Variants in CSPP1 observed in about 807,000 individuals in gnomAD.
CSPP1 encodes centrosome and spindle pole-associated protein 1.
A neutral mutation model predicts 164.4 loss-of-function variants in CSPP1; 126 were observed. That is an observed-to-expected ratio of 0.77 (90% CI 0.66 to 0.89). The LOEUF is 0.89. CSPP1 is among the 40% of genes least tolerant of loss of function. The probability of loss-of-function intolerance (pLI) is 0.00; values close to 1 mark genes in which losing one functional copy is unlikely to be tolerated. For missense variants in CSPP1, 1,395 were observed against 1,449.8 expected, an observed-to-expected ratio of 0.96 and a Z score of 0.61; for synonymous variants, 472 against 476.7, an observed-to-expected ratio of 0.99 and a Z score of 0.13.
At chr8:67,085,585 T>G (rs1810225505) in intron 3 of CSPP1, among the ~76,000 whole-genome samples, 1 of 152,132 alleles carries the variant, frequency 6.6e-6, no homozygotes. Flanking sequence ...TAATTAGTTT[T>G]TCTTTAATTT....
At chr8:67,158,164 A>G (rs1231598966) in intron 19 of CSPP1, among the ~76,000 whole-genome samples, 3 of 152,096 alleles carry the variant, frequency 2.0e-5, no homozygotes, top group African/African-American at 4.8e-5. Flanking sequence ...CTCCTTTGAG[A>G]TGTAGGCGTT....
In CSPP1 at chr8:67,149,955, T is replaced by A; in HGVS notation, c.2128+20T>A. On this transcript the variant is annotated intron_variant, in intron 18 of 30. Transcript: ENST00000678616. ...GCTCAGGTTTTTAATCACTTTTTTT[T>A]TTTTTTTTTTTTTTTTACATTTCTG... is the stretch of plus-strand genomic sequence containing the variant. The A allele has an allele frequency of 6.6e-7, 1 of 1,513,786 alleles. No individual in the cohort carries two copies. 93.8% of individuals were successfully genotyped at this position (1,513,786 alleles called of 1,614,324 possible).
At chr8:67,149,372 G>T (rs1199507603) in intron 17 of CSPP1, among the ~76,000 whole-genome samples, 1 of 152,162 alleles carries the variant, frequency 6.6e-6, no homozygotes, top group African/African-American at 2.4e-5. Context: ...CAAGTAATTT[G>T]TGAATATATT....
intron 24 of CSPP1, among the ~76,000 whole-genome samples, chr8:67,167,643 C>T (rs1829670470): frequency 6.6e-6 from 1 of 151,376 alleles, no homozygotes; most frequent in African/African-American, 2.4e-5. Context: ...CAGAGACGCT[C>T]CTCACCTCCC....
At chr8:67,099,052 T>C (rs980775041) in intron 7 of CSPP1, among the ~76,000 whole-genome samples, 18 of 152,008 alleles carry the variant, frequency 1.2e-4, no homozygotes, top group African/African-American at 4.3e-4. Flanking sequence ...TTACGATTTT[T>C]ACCTGATCAA....
At chr8:67,150,384 T>C (rs957602310) in intron 18 of CSPP1, among the ~76,000 whole-genome samples, 3 of 152,102 alleles carry the variant, frequency 2.0e-5, no homozygotes, top group African/African-American at 7.2e-5. Context: ...AAAACAACAG[T>C]GTACAAAGAA....
chr8:67,168,663 G>C (rs1014242651), intron 24 of CSPP1, among the ~76,000 whole-genome samples: 1 of 152,130 alleles, frequency 6.6e-6, no homozygotes, highest in African/African-American at 2.4e-5. Context: ...TACATATTCT[G>C]ATTAAAGACA....
chr8:67,190,769 A>G lies in CSPP1; in HGVS notation c.3330+10A>G, dbSNP rs1244166444. 1 of 1,570,272 alleles carries G rather than the reference A, an allele frequency of 6.4e-7. No homozygotes were observed. Among genetic ancestry groups the G allele is most frequent in the Non-Finnish European group, 8.8e-7 (1 of 1,140,122 alleles). ...GAAAGGACTAGACATTGTATGTATG[A>G]GACTTTTCTCCCCCTTTTCAACTTA... On this transcript the variant is annotated intron_variant, in intron 29 of 30. Transcript: ENST00000678616.
chr8:67,151,747 C>A (rs1266067752), intron 18 of CSPP1, among the ~76,000 whole-genome samples: 1 of 152,020 alleles, frequency 6.6e-6, no homozygotes, highest in Non-Finnish European at 1.5e-5. Flanking sequence ...TTTAAAACTT[C>A]CTTTTTTTTG....
chr8:67,188,878 C>T (rs1835416794), intron 28 of CSPP1, among the ~76,000 whole-genome samples: 1 of 152,192 alleles, frequency 6.6e-6, no homozygotes, highest in South Asian at 2.1e-4. Context: ...CTGTGACCCA[C>T]GGCTTCTAAT....
intron 24 of CSPP1, among the ~76,000 whole-genome samples, chr8:67,167,946 G>A (rs1292246534): frequency 2.0e-5 from 3 of 152,054 alleles, no homozygotes; most frequent in African/African-American, 7.2e-5. Flanking sequence ...CAAGGCAGGC[G>A]GCTGGGAGGT....
intron 24 of CSPP1, among the ~76,000 whole-genome samples, chr8:67,166,784 T>C (rs1225593606): frequency 6.6e-6 from 1 of 151,956 alleles, no homozygotes; most frequent in Admixed American, 6.6e-5. Context: ...GGGGATTTTG[T>C]AGGGTCATAG....
At chr8:67,170,497 C>T (rs149533100) in intron 24 of CSPP1, among the ~76,000 whole-genome samples, 2 of 152,064 alleles carry the variant, frequency 1.3e-5, no homozygotes, top group East Asian at 3.9e-4. Context: ...CACCGTAAGA[C>T]TATAAGGGGT....
In CSPP1 at chr8:67,194,699, A is replaced by AAAAG. The variant is rs1554628403; in HGVS notation, c.3470-681_3470-680insAGAA. Among the ~76,000 whole-genome samples, 156 of 151,824 alleles carry AAAAG rather than the reference A, an allele frequency of 1.0e-3. 1 individual carries two copies. Among genetic ancestry groups the AAAAG allele is most frequent in the Non-Finnish European group, 3.7e-4 (25 of 67,932 alleles). The stretch of plus-strand genomic sequence containing the variant: ...AGACCAGGAGAATTAAAAAAAAAAA[A>AAAAG]AAGAATATGATATCACAGGGTAGGA... On this transcript the variant is annotated intron_variant, in intron 30 of 30. Transcript: ENST00000678616.
At chr8:67,086,936 T>A (rs1262103311) in intron 4 of CSPP1, 3 of 682,984 alleles carry the variant, frequency 4.4e-6, no homozygotes, top group Non-Finnish European at 6.8e-6. Context: ...TTTGCATTTA[T>A]GAGATTCAAA....
chr8:67,159,395 C>T (rs1027999993), intron 21 of CSPP1, among the ~76,000 whole-genome samples: 14 of 150,336 alleles, frequency 9.3e-5, no homozygotes, highest in Non-Finnish European at 4.4e-5. Flanking sequence ...ATGGTGTATG[C>T]GGTGCCACCC....
At chr8:67,135,100 C>A (rs990269423) in intron 16 of CSPP1, 18 of 152,182 alleles carry the variant, frequency 1.2e-4, no homozygotes, top group African/African-American at 4.3e-4. Context: ...GTTATCTGAT[C>A]TAGACTTTCT....
chr8:67,149,960 T>C (rs1366184894), intron 18 of CSPP1, 25 bp downstream of exon 18: 1 of 1,523,220 alleles, frequency 6.6e-7, no homozygotes, highest in Admixed American at 2.3e-5. Flanking sequence ...TTTTTTTTTT[T>C]TTTTTTTTTT....
chr8:67,141,767 G>A (rs935664758), intron 17 of CSPP1, among the ~76,000 whole-genome samples: 4 of 152,128 alleles, frequency 2.6e-5, no homozygotes, highest in Non-Finnish European at 4.4e-5. Context: ...CATCCACCTC[G>A]GCCTCCCAAA....
Sources: gnomAD v4.1 joint callset for allele counts (sites outside exome capture counted in the v4.1 genomes callset) on GRCh38, gnomAD v4.1.1 for gene constraint, MANE v1.5 for transcripts, NCBI Gene and HGNC (gene_info 2026-07-23, HGNC 2026-07-21) for gene names.